Variants in MGAT5B observed in about 807,000 individuals in gnomAD.
MGAT5B encodes alpha-1,6-mannosylglycoprotein 6-beta-N-acetylglucosaminyltransferase B.
MGAT5B carries 54 observed loss-of-function variants against 95.1 expected under a neutral mutation model. That is an observed-to-expected ratio of 0.57 (90% CI 0.46 to 0.71). The LOEUF is 0.71. Among genes scored for constraint, MGAT5B ranks in the 30% least tolerant of loss-of-function variants. The pLI is 0.00. For missense variants in MGAT5B, 935 were observed against 1,088.6 expected (o/e 0.86, Z 1.99); for synonymous variants, 464 against 451.0 (o/e 1.03, Z -0.36).
intron 12 of MGAT5B, 50 bp from the exon 13 acceptor site, chr17:76,937,938 G>A (rs1196275713): frequency 6.2e-7 from 1 of 1,600,678 alleles, no homozygotes; most frequent in Non-Finnish European, 8.6e-7. Flanking sequence ...CATGGACTTT[G>A]CCTTCTGTGG....
chr17:76,890,914 C>G (rs576813129), intron 3 of MGAT5B, among the ~76,000 whole-genome samples: 1 of 149,392 alleles, frequency 6.7e-6, no homozygotes, highest in East Asian at 2.0e-4. Context: ...CAGCTTCTTG[C>G]TGTGTCTTCA....
At chr17:76,931,560 A>G (rs1598985047) in intron 10 of MGAT5B, among the ~76,000 whole-genome samples, 1 of 152,342 alleles carries the variant, frequency 6.6e-6, no homozygotes, top group East Asian at 1.9e-4. Context: ...GGTTGTGTCC[A>G]GCAGGGCTCT....
At chr17:76,903,048 G>A (rs1056655727) in intron 4 of MGAT5B, among the ~76,000 whole-genome samples, 2 of 152,146 alleles carry the variant, frequency 1.3e-5, no homozygotes, top group Non-Finnish European at 1.5e-5. Flanking sequence ...TTTCGGGTGG[G>A]TGCATGAGGT....
chr17:76,935,953 A>ATT (rs1252142551), intron 12 of MGAT5B, among the ~76,000 whole-genome samples: 4 of 140,058 alleles, frequency 2.9e-5, no homozygotes, highest in Non-Finnish European at 3.1e-5. Flanking sequence ...TATTATATAC[A>ATT]TTATATATAT....
chr17:76,935,808 T>C (rs1334551318), intron 12 of MGAT5B, among the ~76,000 whole-genome samples: 6 of 142,862 alleles, frequency 4.2e-5, no homozygotes, highest in South Asian at 2.1e-4. Context: ...ATATTATATA[T>C]ATTATATAAT....
chr17:76,875,810 TG>T (rs2030691101), intron 2 of MGAT5B, among the ~76,000 whole-genome samples: 1 of 152,030 alleles, frequency 6.6e-6, no homozygotes, highest in African/African-American at 2.4e-5. Flanking sequence ...GCACGTCTTT[TG>T]GTAAACATAC....
Position 76,932,631 on chromosome 17 carries a change from T to C in MGAT5B, c.1292-14T>C. On this transcript the variant is annotated splice_polypyrimidine_tract_variant and intron_variant, in intron 10 of 17. Transcript: ENST00000569840. The stretch of plus-strand genomic sequence containing the variant: ...GTTTGGTGACCCCATTCCTTCTGCG[T>C]GCTCGGGCTGCAGCTCATACCCCCG... 2 of 1,612,662 alleles carry C rather than the reference T, an allele frequency of 1.2e-6. No homozygotes were observed. The highest frequency in any genetic ancestry group is 1.3e-5 in the African/African-American group (1 of 75,012).
At chr17:76,875,653 CTTTTTTT>C (rs547158669) in intron 2 of MGAT5B, among the ~76,000 whole-genome samples, 11,141 of 66,882 alleles carry the variant, frequency 0.17, 589 homozygotes, top group East Asian at 0.47. Context: ...GTCACTTGCA[CTTTTTTT>C]TTTTTTTTTT....
chr17:76,896,191 C>T (rs1452166130), intron 3 of MGAT5B, among the ~76,000 whole-genome samples: 1 of 152,236 alleles, frequency 6.6e-6, no homozygotes, highest in Admixed American at 6.5e-5. Flanking sequence ...TGAGGCTTTA[C>T]GACATCTACT....
intron 3 of MGAT5B, among the ~76,000 whole-genome samples, chr17:76,888,498 A>C (rs1057027549): frequency 1.3e-5 from 2 of 152,204 alleles, no homozygotes; most frequent in African/African-American, 4.8e-5. Flanking sequence ...TTTCATAACA[A>C]AATAACAGCC....
chr17:76,934,106 G>A (rs998468306), intron 12 of MGAT5B, among the ~76,000 whole-genome samples: 1 of 152,226 alleles, frequency 6.6e-6, no homozygotes. Flanking sequence ...CTATGACTGA[G>A]GAAGGAGGAG....
rs1969004501 is a variant in MGAT5B at position 76,918,180 on chromosome 17, G to GCTCCCCCCCAACAACTGCACGC, written c.1026-6783_1026-6762dup. Reference sequence around the variant, plus strand: ...TGCTCCCTCAGTTTCCCTTTCGGAGGCTCCCCCCCAACAACTGCACGCCTT... The same window carrying GCTCCCCCCCAACAACTGCACGC: ...TGCTCCCTCAGTTTCCCTTTCGGAGGCTCCCCCCCAACAACTGCACGCCTCCCCCCCAACAACTGCACGCCTT... On this transcript the variant is annotated intron_variant, in intron 8 of 17. Transcript: ENST00000569840. This position sits in a 1 kb window ranked among gnomAD's most constrained non-coding sequence, Gnocchi z 5.1. 7.0e-6 allele frequency among the ~76,000 whole-genome samples: 1 copy of GCTCCCCCCCAACAACTGCACGC among 141,930 alleles called. No homozygotes were observed. The highest frequency in any genetic ancestry group is 6.8e-5 in the Admixed American group (1 of 14,654). 93.1% of individuals were successfully genotyped at this position (141,930 alleles called of 152,430 possible).
Position 76,940,254 on chromosome 17 carries a change from C to T in MGAT5B, c.1585-148C>T, listed in dbSNP as rs1969818409. 2.0e-6 allele frequency: 2 copies of T among 986,796 alleles called. No homozygotes were observed. The highest frequency in any genetic ancestry group is 2.8e-6 in the Non-Finnish European group (2 of 704,694). The allele number at this position is 986,796 out of a possible 1,614,324, so 61.1% of individuals were successfully genotyped here. ...TGGCTTTTCCAGCCCTGTTATAGCT[C>T]ACATAACAGGCTGAGCAAAAATAAT... On this transcript the variant is annotated intron_variant, in intron 13 of 17. Transcript: ENST00000569840. This position sits in a 1 kb window ranked among gnomAD's most constrained non-coding sequence, Gnocchi z 4.3.
chr17:76,899,209 T>C (rs1228443644), intron 3 of MGAT5B, among the ~76,000 whole-genome samples: 3 of 152,138 alleles, frequency 2.0e-5, no homozygotes, highest in African/African-American at 7.2e-5. Flanking sequence ...CTGGGGTCTC[T>C]GGTTAGAAGG....
intron 3 of MGAT5B, 141 bp downstream of exon 3, chr17:76,882,439 T>C: frequency 1.0e-6 from 1 of 985,510 alleles, no homozygotes; most frequent in Non-Finnish European, 1.4e-6. Context: ...AGTGCATTTC[T>C]ACCACCCAAA....
At chr17:76,893,974 T>C (rs2145163756) in intron 3 of MGAT5B, among the ~76,000 whole-genome samples, 1 of 152,276 alleles carries the variant, frequency 6.6e-6, no homozygotes, top group East Asian at 1.9e-4. Flanking sequence ...GTGTAAGAGG[T>C]GGAAAATGGA....
At chr17:76,878,917 G>A (rs1967300302) in intron 2 of MGAT5B, among the ~76,000 whole-genome samples, 1 of 152,180 alleles carries the variant, frequency 6.6e-6, no homozygotes, top group African/African-American at 2.4e-5. Context: ...TTACATGAGG[G>A]TAAATTGAGG....
intron 10 of MGAT5B, among the ~76,000 whole-genome samples, chr17:76,932,067 TCC>T (rs1384569119): frequency 4.9e-5 from 5 of 102,802 alleles, no homozygotes; most frequent in African/African-American, 2.0e-4. Flanking sequence ...CCTCCTTTTT[TCC>T]TCCTCCTCCT....
At chr17:76,887,191 C>G (rs766277153) in intron 3 of MGAT5B, among the ~76,000 whole-genome samples, 291 of 152,276 alleles carry the variant, frequency 1.9e-3, no homozygotes, top group Non-Finnish European at 3.2e-3. Flanking sequence ...CGTGGGGTCT[C>G]CTGGTTGCAC....
Sources: gnomAD v4.1 joint callset for allele counts (sites outside exome capture counted in the v4.1 genomes callset) on GRCh38, gnomAD v4.1.1 for gene constraint, Gnocchi (gnomAD v3.1) non-coding constraint, MANE v1.5 for transcripts, NCBI Gene and HGNC (gene_info 2026-07-23, HGNC 2026-07-21) for gene names.